Variants in FILIP1 observed in about 807,000 individuals in gnomAD.
FILIP1 encodes the protein filamin-A-interacting protein 1.
Under a neutral mutation model 102.1 loss-of-function variants are expected in FILIP1, and 61 were observed. The observed-to-expected ratio is 0.60, with a 90% confidence interval of 0.49 to 0.74. FILIP1 has a LOEUF of 0.74. Ranked by LOEUF, FILIP1 falls within the 30% of genes least tolerant of loss-of-function variation. FILIP1 has a pLI of 0.00. For synonymous variants in FILIP1, 491 were observed against 526.9 expected (o/e 0.93, Z 0.93); for missense variants, 1,314 against 1,441.2 (o/e 0.91, Z 1.43).
intron 4 of FILIP1, among the ~76,000 whole-genome samples, chr6:75,324,826 A>G (rs999667438): frequency 6.6e-6 from 1 of 152,226 alleles, no homozygotes; most frequent in African/African-American, 2.4e-5. Context: ...GAACAAAAGC[A>G]TAAAGTGGGG....
At chr6:75,322,211 CTCT>C (rs1773688698) in intron 4 of FILIP1, among the ~76,000 whole-genome samples, 1 of 152,130 alleles carries the variant, frequency 6.6e-6, no homozygotes, top group South Asian at 2.1e-4. Flanking sequence ...CATATTACAT[CTCT>C]TTTTTTTTCA....
At chr6:75,318,655 A>C (rs1773529914) in intron 4 of FILIP1, among the ~76,000 whole-genome samples, 1 of 152,212 alleles carries the variant, frequency 6.6e-6, no homozygotes, top group Admixed American at 6.5e-5. Context: ...GCAATTACAG[A>C]GTGGTATTCA....
At chr6:75,489,932 A>G (rs200431098) in intron 1 of FILIP1, among the ~76,000 whole-genome samples, 1 of 152,052 alleles carries the variant, frequency 6.6e-6, no homozygotes, top group East Asian at 1.9e-4. Context: ...ATAAATCTCA[A>G]CACGAGCTTG....
chr6:75,298,026 T>G (rs1389249046), intron 6 of FILIP1, among the ~76,000 whole-genome samples: 1 of 152,178 alleles, frequency 6.6e-6, no homozygotes, highest in African/African-American at 2.4e-5. Context: ...TAAGGCAATT[T>G]AGAGTTGCCT....
At chr6:75,332,845 G>T (rs1446451295) in intron 4 of FILIP1, among the ~76,000 whole-genome samples, 1 of 152,112 alleles carries the variant, frequency 6.6e-6, no homozygotes, top group Non-Finnish European at 1.5e-5. Context: ...GGTTTTCTGA[G>T]ACTAGTCAAA....
chr6:75,355,489 CCTCCTGGGTTCAAGCGATT>C (rs1774961118), intron 3 of FILIP1, among the ~76,000 whole-genome samples: 1 of 151,358 alleles, frequency 6.6e-6, no homozygotes, highest in South Asian at 2.1e-4. Context: ...GCAACGTCCA[CCTCCTGGGTTCAAGCGATT>C]CTCCTGCCTC....
At chr6:75,387,455 G>A (rs1776138520) in intron 2 of FILIP1, among the ~76,000 whole-genome samples, 1 of 152,162 alleles carries the variant, frequency 6.6e-6, no homozygotes, top group Non-Finnish European at 1.5e-5. Context: ...AGATTCTTGA[G>A]GAATTGCCAA....
At chr6:75,318,362 A>G (rs1269494557) in intron 4 of FILIP1, among the ~76,000 whole-genome samples, 1 of 151,222 alleles carries the variant, frequency 6.6e-6, no homozygotes, top group Admixed American at 6.6e-5. Flanking sequence ...CAGCCTCCCA[A>G]ATGGCTGGGA....
chr6:75,490,237 G>C (rs959994674), intron 1 of FILIP1, among the ~76,000 whole-genome samples: 1 of 151,824 alleles, frequency 6.6e-6, no homozygotes, highest in Non-Finnish European at 1.5e-5. Flanking sequence ...AATTCCATAG[G>C]GTTTCTTACT....
chr6:75,294,863 C>CTTTTTTTTT (rs11299703), exon 7 of FILIP1: 4 of 90,564 alleles, frequency 4.4e-5, no homozygotes, highest in East Asian at 7.2e-4. Flanking sequence ...CAGCTAACTT[C>CTTTTTTTTT]TTTTTTTTTT....
At position 75,385,221 on chromosome 6, in the gene FILIP1, A is replaced by C. The variant is rs570463424; in HGVS notation, c.277-22304T>G. 1.3e-3 allele frequency among the ~76,000 whole-genome samples: 191 copies of C among 152,298 alleles called. 1 individual carries two copies. The highest frequency in any genetic ancestry group is 3.3e-3 in the Admixed American group (51 of 15,286). On this transcript the variant is annotated intron_variant, in intron 2 of 5. Transcript: ENST00000237172. ...CCCAGTCTCCTGATTCTCAGACCAG[A>C]GATCTCTCCATTATGCTAAATCACT...
chr6:75,487,343 C>A (rs1311898914), intron 1 of FILIP1, among the ~76,000 whole-genome samples: 3 of 152,132 alleles, frequency 2.0e-5, no homozygotes, highest in African/African-American at 4.8e-5. Context: ...GCTCCAAATA[C>A]AGGCGCAGGG....
intron 1 of FILIP1, among the ~76,000 whole-genome samples, chr6:75,492,538 G>A (rs1250687179): frequency 6.6e-6 from 1 of 152,094 alleles, no homozygotes; most frequent in East Asian, 1.9e-4. Flanking sequence ...ACCATAAGTT[G>A]TCATATTCAA....
intron 1 of FILIP1, among the ~76,000 whole-genome samples, chr6:75,480,235 A>G (rs1430105492): frequency 1.3e-5 from 1 of 79,182 alleles, no homozygotes; most frequent in Non-Finnish European, 3.2e-5. Flanking sequence ...TATTTCCAGT[A>G]TAGATTTGAA....
At chr6:75,413,036 G>A (rs1327631107) in intron 2 of FILIP1, among the ~76,000 whole-genome samples, 1 of 152,110 alleles carries the variant, frequency 6.6e-6, no homozygotes, top group African/African-American at 2.4e-5. Flanking sequence ...TCAGAAGTGT[G>A]AGTTTATATT....
intron 4 of FILIP1, among the ~76,000 whole-genome samples, chr6:75,333,941 A>G (rs200301825): frequency 3.3e-5 from 5 of 151,932 alleles, no homozygotes; most frequent in Admixed American, 1.3e-4. Context: ...TCTTGTTATC[A>G]CAGCCACACT....
At chr6:75,439,655 T>C (rs1423898133) in intron 1 of FILIP1, among the ~76,000 whole-genome samples, 1 of 152,150 alleles carries the variant, frequency 6.6e-6, no homozygotes, top group Non-Finnish European at 1.5e-5. Flanking sequence ...AAGAAGAAGT[T>C]AGAAATATTT....
intron 4 of FILIP1, among the ~76,000 whole-genome samples, chr6:75,338,223 T>C (rs1163284641): frequency 6.6e-6 from 1 of 152,220 alleles, no homozygotes; most frequent in Non-Finnish European, 1.5e-5. Flanking sequence ...CTAAGTAAAG[T>C]TGACCTCTTG....
intron 2 of FILIP1, among the ~76,000 whole-genome samples, chr6:75,413,893 C>A: frequency 6.8e-6 from 1 of 147,824 alleles, no homozygotes. Context: ...TCCCTAGAAA[C>A]ATAGATTTAA....
Sources: allele counts gnomAD v4.1 joint callset (sites outside exome capture counted in the v4.1 genomes callset), GRCh38; gene constraint gnomAD v4.1.1; transcripts MANE v1.5; gene names NCBI Gene and HGNC (gene_info 2026-07-23, HGNC 2026-07-21).